Variants in CCDC171 observed in about 807,000 individuals in gnomAD.
CCDC171 encodes the protein coiled-coil domain containing 171, also known as coiled-coil domain-containing protein 171.
In CCDC171, 177 loss-of-function variants were observed where a neutral mutation model predicts 168.2. That is an observed-to-expected ratio of 1.05 (90% CI 0.93 to 1.19). The LOEUF (loss-of-function observed/expected upper bound fraction) is 1.19. Among genes scored for constraint, CCDC171 ranks in the 50% most tolerant of loss-of-function variants. The probability of loss-of-function intolerance (pLI) is 0.00; values close to 1 mark genes in which losing one functional copy is unlikely to be tolerated. For missense variants in CCDC171, 1,991 were observed against 1,539.0 expected (o/e 1.29, Z -4.91); for synonymous variants, 687 against 540.8 (o/e 1.27, Z -3.75).
chr9:15,587,187 G>A (rs957133538), intron 4 of CCDC171, among the ~76,000 whole-genome samples: 1 of 152,096 alleles, frequency 6.6e-6, no homozygotes, highest in Non-Finnish European at 1.5e-5. Flanking sequence ...GATGTTGGAG[G>A]ACTCTTTTGT....
chr9:15,807,815 G>C (rs1230773646), intron 21 of CCDC171, among the ~76,000 whole-genome samples: 2 of 150,838 alleles, frequency 1.3e-5, no homozygotes, highest in East Asian at 2.0e-4. Flanking sequence ...TCTGATCTCT[G>C]TCTTCTCACC....
chr9:15,813,553 A>G (rs187120982), intron 21 of CCDC171, among the ~76,000 whole-genome samples: 82 of 152,180 alleles, frequency 5.4e-4, no homozygotes, highest in East Asian at 2.9e-3. Context: ...AGAAGTAATT[A>G]ATATTACAAG....
chr9:15,605,049 C>T (rs905369156), intron 6 of CCDC171, among the ~76,000 whole-genome samples: 3 of 152,208 alleles, frequency 2.0e-5, no homozygotes, highest in Admixed American at 1.3e-4. Context: ...GCATGTGCCA[C>T]GAAGCCTGGT....
Position 15,846,865 on chromosome 9 carries a change from G to A in CCDC171, c.3413+18G>A. ...GCAGCCAAGTGAGCATTTGGACCTT[G>A]GGGAGATCACTTAAAACAGACAAAA... On this transcript the variant is annotated intron_variant, in intron 22 of 25. Transcript: ENST00000380701. The A allele has an allele frequency of 1.3e-6, 2 of 1,591,394 alleles. No homozygotes were observed. Among genetic ancestry groups the A allele is most frequent in the African/African-American group, 1.3e-5 (1 of 74,516 alleles).
the CCDC171 span, among the ~76,000 whole-genome samples, chr9:16,082,679 A>G: frequency 3.9e-5 from 6 of 152,258 alleles, no homozygotes; most frequent in Non-Finnish European, 8.8e-5. Flanking sequence ...AAGTACACGC[A>G]TGCGTGAGCT....
intron 21 of CCDC171, among the ~76,000 whole-genome samples, chr9:15,809,135 T>C (rs1303500030): frequency 6.6e-6 from 1 of 152,162 alleles, no homozygotes; most frequent in Admixed American, 6.5e-5. Flanking sequence ...CATAAAAATT[T>C]TTTGGGAACA....
chr9:15,861,160 T>C (rs2061540668), intron 23 of CCDC171, among the ~76,000 whole-genome samples: 1 of 151,822 alleles, frequency 6.6e-6, no homozygotes, highest in Non-Finnish European at 1.5e-5. Context: ...TTACTTTCAG[T>C]CTATGCACAT....
chr9:16,028,201 C>T (rs956133481), intron 6 of CCDC171, among the ~76,000 whole-genome samples: 3 of 152,136 alleles, frequency 2.0e-5, no homozygotes, highest in Non-Finnish European at 2.9e-5. Flanking sequence ...GTCCTGATAC[C>T]AGACACTGAG....
chr9:15,795,969 A>C (rs1183953268), intron 21 of CCDC171, among the ~76,000 whole-genome samples: 1 of 152,264 alleles, frequency 6.6e-6, no homozygotes, highest in Non-Finnish European at 1.5e-5. Flanking sequence ...TCTGCATCTC[A>C]AAGAATACAG....
intron 25 of CCDC171, among the ~76,000 whole-genome samples, chr9:15,952,254 C>T (rs973423931): frequency 1.3e-5 from 2 of 152,120 alleles, no homozygotes; most frequent in African/African-American, 4.8e-5. Context: ...TGTCTTTATG[C>T]CAGTACACAC....
At chr9:15,728,694 TA>T (rs1217160709) in intron 15 of CCDC171, among the ~76,000 whole-genome samples, 1 of 152,122 alleles carries the variant, frequency 6.6e-6, no homozygotes, top group African/African-American at 2.4e-5. Flanking sequence ...TACAGTGGCT[TA>T]GCAGATCAAC....
At chr9:15,791,100 G>T (rs2058236318) in intron 21 of CCDC171, among the ~76,000 whole-genome samples, 1 of 152,154 alleles carries the variant, frequency 6.6e-6, no homozygotes. Context: ...GGTTCCATAT[G>T]AACTTTGAAG....
At chr9:16,023,212 C>G (rs1833209627) in intron 6 of CCDC171, among the ~76,000 whole-genome samples, 1 of 151,984 alleles carries the variant, frequency 6.6e-6, no homozygotes, top group Non-Finnish European at 1.5e-5. Flanking sequence ...TGCTTATTAA[C>G]ATATTACAGT....
intron 25 of CCDC171, among the ~76,000 whole-genome samples, chr9:15,954,151 C>CTTTTTTTTTTTTTTT (rs34362388): frequency 7.1e-6 from 1 of 140,742 alleles, no homozygotes. Context: ...TACTTACTTT[C>CTTTTTTTTTTTTTTT]TTTTTTTTTT....
intron 21 of CCDC171, among the ~76,000 whole-genome samples, chr9:15,804,915 A>G (rs1441991321): frequency 6.6e-6 from 1 of 152,090 alleles, no homozygotes; most frequent in Non-Finnish European, 1.5e-5. Flanking sequence ...GCTATTTATT[A>G]CTGCCTCAAT....
intron 21 of CCDC171, among the ~76,000 whole-genome samples, chr9:15,788,042 T>G (rs2058058300): frequency 6.6e-6 from 1 of 152,214 alleles, no homozygotes; most frequent in Non-Finnish European, 1.5e-5. Flanking sequence ...TCATGTTAAT[T>G]TTTTTAAATT....
In CCDC171 at chr9:15,793,551, GTTTTTTTTTTTTTTTTT is replaced by G. The variant is rs3082839; in HGVS notation, c.3267+8870_3267+8886del. Among the ~76,000 whole-genome samples the G allele has an allele frequency of 1.8e-4, 14 of 77,060 alleles. No homozygotes were observed. In the South Asian group the frequency reaches 5.9e-3, roughly 33 times the overall value. The allele number at this position is 77,060 out of a possible 152,430, so 50.6% of individuals were successfully genotyped here. On this transcript the variant is annotated intron_variant, in intron 21 of 25. Transcript: ENST00000380701. ...AGCACCACATCGCACTTATTCCAAGGTTTTTTTTTTTTTTTTTTTTTTTTTTTTTGAGACAGAGTCTC... is the reference window on the plus strand; with the variant it reads ...AGCACCACATCGCACTTATTCCAAGGTTTTTTTTTTTTGAGACAGAGTCTC...
At chr9:15,560,419 T>G (rs1033813089) in intron 1 of CCDC171, among the ~76,000 whole-genome samples, 5 of 152,142 alleles carry the variant, frequency 3.3e-5, no homozygotes, top group Admixed American at 1.3e-4. Flanking sequence ...GGAGGCTTTG[T>G]TCATTTCTTT....
chr9:15,750,697 A>C (rs1175538963), intron 18 of CCDC171, among the ~76,000 whole-genome samples: 1 of 152,210 alleles, frequency 6.6e-6, no homozygotes, highest in African/African-American at 2.4e-5. Context: ...ATCTCAATGG[A>C]TGCAGAAAAG....
Sources: allele counts gnomAD v4.1 joint callset (sites outside exome capture counted in the v4.1 genomes callset), GRCh38; gene constraint gnomAD v4.1.1; transcripts MANE v1.5; gene names NCBI Gene and HGNC (gene_info 2026-07-23, HGNC 2026-07-21).